Variants in MTAP observed in about 807,000 individuals in gnomAD.
The protein encoded by MTAP is S-methyl-5'-thioadenosine phosphorylase.
A neutral mutation model predicts 33.6 loss-of-function variants in MTAP; 33 were observed. The ratio of observed to expected loss-of-function variants is 0.98; its 90% CI spans 0.74 to 1.31. MTAP has a LOEUF of 1.31. Among genes scored for constraint, MTAP ranks in the 40% most tolerant of loss-of-function variants. The pLI, the probability that MTAP is intolerant of heterozygous loss-of-function variation, is 0.00. For synonymous variants in MTAP, 148 were observed against 125.7 expected (o/e 1.18, Z -1.19); for missense variants, 367 against 360.0 (o/e 1.02, Z -0.16).
At chr9:21,934,086 G>C (rs1347773729), downstream of MTAP, 1 of 152,140 alleles carries the variant, frequency 6.6e-6, no homozygotes, top group African/African-American at 2.4e-5. This position sits in a 1 kb window ranked among gnomAD's most constrained non-coding sequence, Gnocchi z 5.0. Context: ...ATGCCTCATG[G>C]TCAGAACAAA....
intron 4 of MTAP, among the ~76,000 whole-genome samples, chr9:21,830,229 T>G (rs1205223948): frequency 6.6e-6 from 1 of 152,250 alleles, no homozygotes; most frequent in East Asian, 1.9e-4. Context: ...TTTTCCCGTT[T>G]TTGTTGCACA....
At chr9:21,875,251 A>G (rs1264861969) in intron 1 of MTAP, among the ~76,000 whole-genome samples, 1 of 152,138 alleles carries the variant, frequency 6.6e-6, no homozygotes, top group African/African-American at 2.4e-5. Flanking sequence ...AGGAATCACC[A>G]CACTGTATTG....
chr9:21,828,847 A>G (rs1824890438), intron 4 of MTAP, among the ~76,000 whole-genome samples: 1 of 152,168 alleles, frequency 6.6e-6, no homozygotes, highest in African/African-American at 2.4e-5. Flanking sequence ...AAATTTTAAA[A>G]CTATGTAGGT....
At chr9:21,832,989 A>G (rs1045037905) in intron 4 of MTAP, among the ~76,000 whole-genome samples, 2 of 152,130 alleles carry the variant, frequency 1.3e-5, no homozygotes, top group African/African-American at 4.8e-5. Flanking sequence ...TTTTTGTGCT[A>G]TTGTTTAGCA....
chr9:21,804,758 C>G (rs1824163102), intron 1 of MTAP, among the ~76,000 whole-genome samples: 1 of 152,210 alleles, frequency 6.6e-6, no homozygotes, highest in Admixed American at 6.5e-5. Context: ...CATATAGCCA[C>G]ACAAACCCGT....
Position 21,865,158 on chromosome 9 carries a change from G to A in MTAP, c.*3144G>A, listed in dbSNP as rs148910202. ...CACATGTTGTGGGAGGGACCCAGTG[G>A]GAGGTAATTAAATCATGGGGGTGGT... is the stretch of plus-strand genomic sequence containing the variant. On this transcript the variant is annotated 3_prime_UTR_variant, in exon 8 of 8. Coordinates refer to ENST00000644715, the MANE Select transcript of MTAP (RefSeq NM_002451.4). 2.1e-3 allele frequency: 1,925 copies of A among 921,584 alleles called. 29 individuals carry two copies. The African/African-American group carries it at 0.03, about 14-fold the overall frequency. 57.1% of individuals were successfully genotyped at this position (921,584 alleles called of 1,614,324 possible). A position where few individuals can be genotyped will look rare whatever the true frequency, so the allele number is the denominator to read the frequency against.
intron 1 of MTAP, among the ~76,000 whole-genome samples, chr9:21,875,982 C>T (rs970825594): frequency 6.6e-6 from 1 of 152,098 alleles, no homozygotes. Flanking sequence ...AACTAATTTC[C>T]ACTCCCACCA....
At chr9:21,903,242 G>C (rs947194109) in intron 1 of MTAP, among the ~76,000 whole-genome samples, 5 of 152,140 alleles carry the variant, frequency 3.3e-5, no homozygotes, top group African/African-American at 1.2e-4. Flanking sequence ...TCTGGGGGAG[G>C]CATACTTAGG....
chr9:21,915,021 T>TCCCTCCCTCCCTCCCTCCC (rs1563869363), intron 1 of MTAP, among the ~76,000 whole-genome samples: 2 of 98,980 alleles, frequency 2.0e-5, no homozygotes, highest in Non-Finnish European at 3.6e-5. Context: ...CCTTCCTTCC[T>TCCCTCCCTCCCTCCCTCCC]TCCTTCCTTC....
chr9:21,864,896 T>A lies in MTAP; in HGVS notation c.*2882T>A. 1 of 985,464 alleles carries A rather than the reference T, an allele frequency of 1.0e-6. No individual in the cohort carries two copies. Among genetic ancestry groups the A allele is most frequent in the Non-Finnish European group, 1.2e-6 (1 of 829,944 alleles). The allele number at this position is 985,464 out of a possible 1,614,324, so 61.0% of individuals were successfully genotyped here. A position where few individuals can be genotyped will look rare whatever the true frequency, so the allele number is the denominator to read the frequency against. On this transcript the variant is annotated 3_prime_UTR_variant, in exon 8 of 8. Coordinates refer to ENST00000644715, the MANE Select transcript of MTAP (RefSeq NM_002451.4). ...ATGGTTGTGGCCCCACCAACACCTA[T>A]TTTCCAAATAATTATTCATTCTTGT... is the stretch of plus-strand genomic sequence containing the variant.
At chr9:21,839,400 A>G (rs1030882970) in intron 5 of MTAP, among the ~76,000 whole-genome samples, 1 of 152,184 alleles carries the variant, frequency 6.6e-6, no homozygotes, top group African/African-American at 2.4e-5. Context: ...AGGAGAGAAT[A>G]TGCATGCTCG....
chr9:21,804,619 G>T (rs1824157965), intron 1 of MTAP, among the ~76,000 whole-genome samples: 1 of 152,170 alleles, frequency 6.6e-6, no homozygotes, highest in Admixed American at 6.5e-5. Flanking sequence ...GTATTCCCCA[G>T]ACTTCTAAGG....
chr9:21,914,166 C>G (rs1340272703), intron 1 of MTAP, among the ~76,000 whole-genome samples: 1 of 152,192 alleles, frequency 6.6e-6, no homozygotes, highest in South Asian at 2.1e-4. Flanking sequence ...AATAGGAACA[C>G]TTTTACACTG....
At chr9:21,827,371 G>A (rs1209318572) in intron 4 of MTAP, among the ~76,000 whole-genome samples, 1 of 152,172 alleles carries the variant, frequency 6.6e-6, no homozygotes, top group Non-Finnish European at 1.5e-5. Context: ...TCCAGTCCAG[G>A]CCACTGTGGC....
intron 4 of MTAP, among the ~76,000 whole-genome samples, chr9:21,819,221 A>G (rs1283582523): frequency 6.6e-6 from 1 of 150,636 alleles, no homozygotes; most frequent in Non-Finnish European, 1.5e-5. Context: ...TACATGTGCC[A>G]TGTTGGTGTG....
exon 8 of MTAP, chr9:21,936,660 A>G (rs1001770391): frequency 1.3e-5 from 2 of 152,216 alleles, no homozygotes; most frequent in East Asian, 3.8e-4. Context: ...GAAATTATAA[A>G]ATGGTATATT....
At chr9:21,826,609 TTTA>T (rs149631009) in intron 4 of MTAP, among the ~76,000 whole-genome samples, 17,803 of 140,704 alleles carry the variant, frequency 0.13, 1,097 homozygotes, top group South Asian at 0.2. Context: ...TGGGGTTTTG[TTTA>T]TTATTATTAT....
intron 4 of MTAP, among the ~76,000 whole-genome samples, chr9:21,837,383 C>T (rs1048746613): frequency 6.6e-6 from 1 of 152,082 alleles, no homozygotes; most frequent in Non-Finnish European, 1.5e-5. Context: ...ACTAACAAAG[C>T]AACTGTTTAA....
intron 1 of MTAP, among the ~76,000 whole-genome samples, chr9:21,896,956 A>G (rs537423676): frequency 6.6e-6 from 1 of 152,344 alleles, no homozygotes; most frequent in African/African-American, 2.4e-5. Context: ...AATATCCCTG[A>G]TGAACATCGA....
Sources: gnomAD v4.1 joint callset for allele counts (sites outside exome capture counted in the v4.1 genomes callset) on GRCh38, gnomAD v4.1.1 for gene constraint, Gnocchi (gnomAD v3.1) non-coding constraint, MANE v1.5 for transcripts, NCBI Gene and HGNC (gene_info 2026-07-23, HGNC 2026-07-21) for gene names.